Variants in NFAM1 observed in about 807,000 individuals in gnomAD.
The protein encoded by NFAM1 is NFAT activation molecule 1.
Under a neutral mutation model 29.0 loss-of-function variants are expected in NFAM1, and 17 were observed. That is an observed-to-expected ratio of 0.59 (90% CI 0.40 to 0.88). The LOEUF (loss-of-function observed/expected upper bound fraction) is 0.88, where lower values mean the gene tolerates loss of function less well. NFAM1 is among the 40% of genes least tolerant of loss of function. The probability of loss-of-function intolerance (pLI) is 0.00; values close to 1 mark genes in which losing one functional copy is unlikely to be tolerated. For synonymous variants in NFAM1, 175 were observed against 147.2 expected, an observed-to-expected ratio of 1.19 and a Z score of -1.36; for missense variants, 324 against 344.6, an observed-to-expected ratio of 0.94 and a Z score of 0.47.
chr22:42,409,489 G>A lies in NFAM1; in HGVS notation c.510C>T (p.Thr170=), dbSNP rs371820087. The A allele has an allele frequency of 1.5e-5, 24 of 1,568,552 alleles. No homozygotes were observed. Among genetic ancestry groups the A allele is most frequent in the Admixed American group, 3.7e-5 (2 of 54,652 alleles). Residue 170 remains threonine (T), a synonymous_variant, in exon 3 of 6, where the codon ACC becomes ACT. Coordinates refer to ENST00000329021, the MANE Select transcript of NFAM1 (RefSeq NM_145912.8). The surrounding 1 kb of genome is among the most constrained non-coding windows in gnomAD (Gnocchi z 4.9). ...SPQKLLLFGF[T]GLLSVLSVVG... ...CTACACTCAGGACACTCAGGAGGCC[G>A]GTGAAGCCAAAGAGCAGGAGCTTCT...
At chr22:42,394,991 T>C (rs991887603) in intron 4 of NFAM1, among the ~76,000 whole-genome samples, 2 of 151,836 alleles carry the variant, frequency 1.3e-5, no homozygotes, top group African/African-American at 2.4e-5. Flanking sequence ...CTGGGCAATA[T>C]AGTGAGACCT....
intron 1 of NFAM1, among the ~76,000 whole-genome samples, chr22:42,423,517 C>A (rs139394909): frequency 1.5e-3 from 230 of 151,890 alleles, no homozygotes; most frequent in Middle Eastern, 0.01. Context: ...GAATTCAAGG[C>A]CAGTCTGGGC....
chr22:42,427,399 C>T (rs554264271), intron 1 of NFAM1, among the ~76,000 whole-genome samples: 10 of 152,290 alleles, frequency 6.6e-5, no homozygotes, highest in South Asian at 2.1e-4. Flanking sequence ...CTCCCCCAGG[C>T]GCCCCTCCTG....
Position 42,397,870 on chromosome 22 carries a change from T to C in NFAM1, c.651A>G (p.Glu217=). The change falls in exon 4 of 6, where the codon GAA becomes GAG. Residue 217 remains glutamate (E), a synonymous_variant. Coordinates refer to ENST00000329021, the MANE Select transcript of NFAM1 (RefSeq NM_145912.8). ...CCCCGGGACTCACTGTGTAGACAGATTCTGAAGGATGCTGCTTGGGGCTGC... is the reference window on the plus strand; with the variant it reads ...CCCCGGGACTCACTGTGTAGACAGACTCTGAAGGATGCTGCTTGGGGCTGC... The part of the protein sequence containing the change: ...SASSPKQHPS[E]SVYTALQRRE... The C allele has an allele frequency of 1.2e-6, 2 of 1,611,596 alleles. No homozygotes were observed. The highest frequency in any genetic ancestry group is 1.7e-6 in the Non-Finnish European group (2 of 1,177,830).
At chr22:42,424,363 C>T (rs1930551743) in intron 1 of NFAM1, among the ~76,000 whole-genome samples, 4 of 151,736 alleles carry the variant, frequency 2.6e-5, no homozygotes, top group Admixed American at 1.3e-4. Flanking sequence ...TGCGATGAAC[C>T]GAGATTGTGC....
chr22:42,426,815 G>T (rs940546418), intron 1 of NFAM1, among the ~76,000 whole-genome samples: 1 of 152,098 alleles, frequency 6.6e-6, no homozygotes, highest in African/African-American at 2.4e-5. Context: ...ACTCACGACC[G>T]AAGATGAGCA....
chr22:42,432,364 G>T lies in NFAM1; in HGVS notation c.-7C>A. On this transcript the variant is annotated 5_prime_UTR_variant, in exon 1 of 6. Coordinates refer to ENST00000329021, the MANE Select transcript of NFAM1 (RefSeq NM_145912.8). ...TCACAGGCTGGTTCTCCATCTGGGG[G>T]CCTGCTTGTCTGCGGCGACTCTTTA... is the stretch of plus-strand genomic sequence containing the variant. The T allele has an allele frequency of 6.4e-7, 1 of 1,563,876 alleles. No individual in the cohort carries two copies. Among genetic ancestry groups the T allele is most frequent in the South Asian group, 1.2e-5 (1 of 84,772 alleles).
chr22:42,385,300 T>C (rs377196091), intron 5 of NFAM1, 80 bp from the exon 6 acceptor site: 1 of 1,068,790 alleles, frequency 9.4e-7, no homozygotes, highest in Non-Finnish European at 1.5e-6. Context: ...CTAATTTAGT[T>C]TTAGCCAGAG....
At chr22:42,399,793 A>G (rs1665554146) in intron 3 of NFAM1, among the ~76,000 whole-genome samples, 2 of 152,130 alleles carry the variant, frequency 1.3e-5, no homozygotes, top group Non-Finnish European at 2.9e-5. Flanking sequence ...TGGAGCCACA[A>G]CTGCCTCATC....
At chr22:42,404,994 G>A (rs1387045100) in intron 3 of NFAM1, among the ~76,000 whole-genome samples, 3 of 152,092 alleles carry the variant, frequency 2.0e-5, no homozygotes, top group Admixed American at 6.6e-5. Context: ...TCACCCTGTT[G>A]GCACTTAGCC....
chr22:42,391,637 C>T (rs1378852196), intron 4 of NFAM1, among the ~76,000 whole-genome samples: 1 of 152,136 alleles, frequency 6.6e-6, no homozygotes, highest in African/African-American at 2.4e-5. Context: ...AAGAGGCACT[C>T]AGAGGGGTAA....
At chr22:42,417,446 G>T (rs921204203) in intron 1 of NFAM1, among the ~76,000 whole-genome samples, 8 of 152,224 alleles carry the variant, frequency 5.3e-5, no homozygotes, top group Non-Finnish European at 1.0e-4. Flanking sequence ...AGGTCCTGGG[G>T]CGCAGGGAGG....
At chr22:42,386,406 C>T (rs1929145642) in intron 5 of NFAM1, among the ~76,000 whole-genome samples, 1 of 142,984 alleles carries the variant, frequency 7.0e-6, no homozygotes, top group Non-Finnish European at 1.5e-5. Context: ...AACACACACA[C>T]ACACACACAC....
At chr22:42,410,130 G>GC (rs1569231574) in intron 2 of NFAM1, 1 of 162,712 alleles carries the variant, frequency 6.1e-6, no homozygotes, top group Non-Finnish European at 1.4e-5. Context: ...TCAGCCACCA[G>GC]CCCATATGGG....
chr22:42,434,884 C>T (rs904782409), upstream of NFAM1, among the ~76,000 whole-genome samples: 2 of 152,242 alleles, frequency 1.3e-5, no homozygotes, highest in Non-Finnish European at 2.9e-5. Context: ...AGACCTCCGT[C>T]CATTCCCCGT....
chr22:42,425,463 G>C lies in NFAM1; in HGVS notation c.121+6774C>G, dbSNP rs549266239. ...ATCTCTACCTCCCACAAGATCCCTC[G>C]CCCTCCAGGCACACAACCTCTCCAG... On this transcript the variant is annotated intron_variant, in intron 1 of 5. Coordinates refer to ENST00000329021, the MANE Select transcript of NFAM1 (RefSeq NM_145912.8). Among the ~76,000 whole-genome samples, 116 of 151,954 alleles carry C rather than the reference G, an allele frequency of 7.6e-4. 3 individuals are homozygous for C. The South Asian group carries it at 0.015, about 19-fold the overall frequency.
intron 1 of NFAM1, among the ~76,000 whole-genome samples, chr22:42,414,980 T>C (rs1041708550): frequency 5.3e-5 from 8 of 152,194 alleles, no homozygotes; most frequent in African/African-American, 1.9e-4. Flanking sequence ...TATATTCTTT[T>C]GGGATTCATT....
At chr22:42,400,349 G>A (rs552501563) in intron 3 of NFAM1, among the ~76,000 whole-genome samples, 2 of 152,302 alleles carry the variant, frequency 1.3e-5, no homozygotes, top group Admixed American at 1.3e-4. Flanking sequence ...CAGGTGCAGT[G>A]GTTCATGTCT....
rs183783798 is a variant in NFAM1 at position 42,422,327 on chromosome 22, C to T, written c.121+9910G>A. Among the ~76,000 whole-genome samples the T allele has an allele frequency of 1.1e-4, 16 of 152,238 alleles. No homozygotes were observed. In the East Asian group the frequency reaches 2.9e-3, roughly 28 times the overall value. ...TTTTGCCTGTTTTGAAAGTCAAGGC[C>T]GGGCGCAGGTGCTCACGCCTGTAAT... On this transcript the variant is annotated intron_variant, in intron 1 of 5. Transcript: ENST00000329021.
Sources: allele counts gnomAD v4.1 joint callset (sites outside exome capture counted in the v4.1 genomes callset), GRCh38; gene constraint gnomAD v4.1.1; non-coding constraint Gnocchi (gnomAD v3.1); transcripts MANE v1.5; gene names NCBI Gene and HGNC (gene_info 2026-07-23, HGNC 2026-07-21).